The following KCNT2 variants were observed in gnomAD, a reference collection of about 807,000 sequenced individuals.
KCNT2 encodes potassium sodium-activated channel subfamily T member 2.
In KCNT2, 67 loss-of-function variants were observed where a neutral mutation model predicts 153.8. That is an observed-to-expected ratio of 0.44 (90% confidence interval 0.36 to 0.53). The LOEUF (loss-of-function observed/expected upper bound fraction) is 0.53. KCNT2 is among the 20% of genes least tolerant of loss of function. KCNT2 has a pLI of 0.00. For synonymous variants in KCNT2, 500 were observed against 458.8 expected (o/e 1.09, Z -1.15); for missense variants, 975 against 1,354.8 (o/e 0.72, Z 4.40).
At chr1:196,238,789 C>A (rs865951705) in intron 26 of KCNT2, among the ~76,000 whole-genome samples, 1 of 151,808 alleles carries the variant, frequency 6.6e-6, no homozygotes, top group African/African-American at 2.4e-5. Context: ...ATGTAACAAA[C>A]CTGCATGCTG....
At chr1:196,373,027 A>G in intron 14 of KCNT2, 113 bp downstream of exon 14, 1 of 585,416 alleles carries the variant, frequency 1.7e-6, no homozygotes, top group Non-Finnish European at 3.0e-6. Context: ...AAATTCAAGT[A>G]TAGGTACATA....
At chr1:196,275,965 C>A (rs1179915137) in intron 25 of KCNT2, among the ~76,000 whole-genome samples, 1 of 151,976 alleles carries the variant, frequency 6.6e-6, no homozygotes, top group Non-Finnish European at 1.5e-5. Context: ...AGAAAAATAG[C>A]AGCTTATAGC....
intron 3 of KCNT2, among the ~76,000 whole-genome samples, chr1:196,489,134 C>A (rs1035111795): frequency 2.0e-5 from 3 of 151,946 alleles, no homozygotes; most frequent in Non-Finnish European, 2.9e-5. Context: ...GAAGGGAGAT[C>A]AAAGGTGCAT....
chr1:196,535,804 C>A (rs1655482948), intron 1 of KCNT2, among the ~76,000 whole-genome samples: 1 of 152,224 alleles, frequency 6.6e-6, no homozygotes, highest in Non-Finnish European at 1.5e-5. Flanking sequence ...ACATCTTTTA[C>A]AGACAATAGT....
chr1:196,591,239 C>CT (rs1663321384), intron 1 of KCNT2, among the ~76,000 whole-genome samples: 3 of 152,088 alleles, frequency 2.0e-5, no homozygotes, highest in African/African-American at 4.8e-5. Context: ...TTCTCTCTTG[C>CT]TCCCTCTCTT....
At chr1:196,238,249 C>T (rs1654620813) in intron 26 of KCNT2, among the ~76,000 whole-genome samples, 1 of 151,836 alleles carries the variant, frequency 6.6e-6, no homozygotes, top group Non-Finnish European at 1.5e-5. Flanking sequence ...GGTGACCTGG[C>T]TTGCCTGTTA....
rs921537013 is a variant in KCNT2, at chr1:196,591,752, C to A, written c.95+16463G>T. ...GTACTTCTTATGCATTATCCCACAT[C>A]ATAAGGTAGCAAGATTAAGTTAAAT... On this transcript the variant is annotated intron_variant, in intron 1 of 27. Transcript: ENST00000294725. Among the ~76,000 whole-genome samples the A allele has an allele frequency of 1.1e-4, 17 of 152,078 alleles. 1 individual carries two copies. The highest frequency in any genetic ancestry group is 2.9e-5 in the Non-Finnish European group (2 of 68,002).
intron 1 of KCNT2, among the ~76,000 whole-genome samples, chr1:196,577,552 C>A (rs1004348134): frequency 6.6e-6 from 1 of 152,164 alleles, no homozygotes; most frequent in African/African-American, 2.4e-5. Context: ...ACTCAGCTGA[C>A]CCTTGATTAA....
At chr1:196,502,732 GT>G (rs1680802712) in intron 1 of KCNT2, among the ~76,000 whole-genome samples, 1 of 151,962 alleles carries the variant, frequency 6.6e-6, no homozygotes, top group South Asian at 2.1e-4. Context: ...ACGCAAAAAA[GT>G]ATTTCTTTTC....
intron 1 of KCNT2, among the ~76,000 whole-genome samples, chr1:196,538,683 C>A (rs1157193674): frequency 6.6e-6 from 1 of 152,132 alleles, no homozygotes; most frequent in African/African-American, 2.4e-5. Context: ...GCCTGCGCTC[C>A]AAAACTGCTG....
At chr1:196,351,538 T>G (rs1014288400) in intron 14 of KCNT2, among the ~76,000 whole-genome samples, 6 of 152,098 alleles carry the variant, frequency 3.9e-5, no homozygotes, top group Non-Finnish European at 7.4e-5. Flanking sequence ...TGCTTGTGAT[T>G]TTTGTACATT....
At chr1:196,416,453 T>G (rs1021888046) in intron 12 of KCNT2, among the ~76,000 whole-genome samples, 1 of 152,050 alleles carries the variant, frequency 6.6e-6, no homozygotes. Context: ...CTATCGGCAA[T>G]TATAGGCATC....
chr1:196,301,370 A>G (rs911751618), intron 22 of KCNT2, among the ~76,000 whole-genome samples: 7 of 152,104 alleles, frequency 4.6e-5, no homozygotes, highest in Non-Finnish European at 8.8e-5. Context: ...TTTGCATGCC[A>G]TTTCTGCTAT....
At chr1:196,348,129 T>C (rs542234139) in intron 14 of KCNT2, among the ~76,000 whole-genome samples, 7 of 152,002 alleles carry the variant, frequency 4.6e-5, no homozygotes, top group Non-Finnish European at 7.4e-5. Flanking sequence ...TCTAATTATA[T>C]AATTCCTTTT....
At chr1:196,545,391 C>A (rs1259973573) in intron 1 of KCNT2, among the ~76,000 whole-genome samples, 1 of 151,960 alleles carries the variant, frequency 6.6e-6, no homozygotes, top group Non-Finnish European at 1.5e-5. Context: ...AGAGAAAGTG[C>A]ATTCACAGGG....
intron 16 of KCNT2, among the ~76,000 whole-genome samples, chr1:196,338,662 T>G (rs575751604): frequency 6.6e-6 from 1 of 151,854 alleles, no homozygotes; most frequent in Non-Finnish European, 1.5e-5. Flanking sequence ...TATTTAAAAA[T>G]TTTTACTCTG....
At chr1:196,383,500 C>A (rs1669686428) in intron 13 of KCNT2, among the ~76,000 whole-genome samples, 1 of 152,062 alleles carries the variant, frequency 6.6e-6, no homozygotes, top group South Asian at 2.1e-4. Context: ...AATAACACTG[C>A]ATTAGATGAG....
intron 19 of KCNT2, among the ~76,000 whole-genome samples, chr1:196,324,016 G>T (rs1179116483): frequency 1.3e-5 from 2 of 151,170 alleles, no homozygotes; most frequent in Non-Finnish European, 3.0e-5. Context: ...GTTAATTGGT[G>T]TTTAGTTTTA....
rs371861098 is a variant in KCNT2 at position 196,235,956 on chromosome 1, T to G, written c.3296+30A>C. ...TAAATAGTAGTTTTCTAAAAATATC[T>G]GTCTTATATGAGATATGAGATCAAC... is the stretch of plus-strand genomic sequence containing the variant. On this transcript the variant is annotated intron_variant, in intron 27 of 27. Transcript: ENST00000294725. The G allele has an allele frequency of 7.0e-6, 9 of 1,294,218 alleles. No homozygotes were observed. In the African/African-American group the frequency reaches 1.3e-4, roughly 19 times the overall value. 80.2% of individuals were successfully genotyped at this position (1,294,218 alleles called of 1,614,324 possible).
Sources: allele counts gnomAD v4.1 joint callset (sites outside exome capture counted in the v4.1 genomes callset), GRCh38; gene constraint gnomAD v4.1.1; transcripts MANE v1.5; gene names NCBI Gene and HGNC (gene_info 2026-07-23, HGNC 2026-07-21).